Variants in RYR3 observed in about 807,000 individuals in gnomAD.
The protein encoded by RYR3 is brain ryanodine receptor-calcium release channel.
A neutral mutation model predicts 584.3 loss-of-function variants in RYR3; 207 were observed. The ratio of observed to expected loss-of-function variants is 0.35; its 90% CI spans 0.32 to 0.40. The LOEUF (loss-of-function observed/expected upper bound fraction) is 0.40. Ranked by LOEUF, RYR3 falls within the 10% of genes least tolerant of loss-of-function variation. The pLI, the probability that RYR3 is intolerant of heterozygous loss-of-function variation, is 1.00. For missense variants in RYR3, 5,616 were observed against 6,089.2 expected (o/e 0.92, Z 2.59); for synonymous variants, 2,416 against 2,248.5 (o/e 1.07, Z -2.11).
chr15:33,577,562 C>T (rs1056649234), intron 12 of RYR3, among the ~76,000 whole-genome samples: 1 of 152,152 alleles, frequency 6.6e-6, no homozygotes, highest in African/African-American at 2.4e-5. Context: ...ACTGGCGAGC[C>T]ATGTGCAGAA....
chr15:33,311,819 C>G lies in RYR3; in HGVS notation c.51+723C>G, dbSNP rs1156266901. Among the ~76,000 whole-genome samples, 2 of 152,232 alleles carry G rather than the reference C, an allele frequency of 1.3e-5. No individual in the cohort carries two copies. The highest frequency in any genetic ancestry group is 2.9e-5 in the Non-Finnish European group (2 of 68,036). On this transcript the variant is annotated intron_variant, in intron 1 of 103. Coordinates refer to ENST00000634891, the MANE Select transcript of RYR3 (RefSeq NM_001036.6). The surrounding 1 kb of genome is among the most constrained non-coding windows in gnomAD (Gnocchi z 4.4). ...GGCTCCGCGTCACTCAGGTCCCCTC[C>G]TTGACACCTGAGGGCGCTGCTCCGT... is the stretch of plus-strand genomic sequence containing the variant.
chr15:33,473,175 G>A (rs1007819913), intron 1 of RYR3, among the ~76,000 whole-genome samples: 12 of 152,170 alleles, frequency 7.9e-5, no homozygotes, highest in Admixed American at 5.2e-4. Flanking sequence ...TGAGGCCTTG[G>A]CTGTATGTGT....
chr15:33,826,959 T>C (rs2152966003), intron 84 of RYR3, among the ~76,000 whole-genome samples: 2 of 152,252 alleles, frequency 1.3e-5, no homozygotes, highest in South Asian at 4.1e-4. Flanking sequence ...AGATGAGAAA[T>C]CTAAATACCC....
chr15:33,761,957 C>A (rs773776470), intron 60 of RYR3, among the ~76,000 whole-genome samples: 1 of 152,104 alleles, frequency 6.6e-6, no homozygotes, highest in Non-Finnish European at 1.5e-5. Flanking sequence ...GTTCAACATA[C>A]AGAAATCAAC....
chr15:33,509,714 C>T (rs1021151848), intron 3 of RYR3, among the ~76,000 whole-genome samples: 6 of 152,142 alleles, frequency 3.9e-5, no homozygotes, highest in Non-Finnish European at 5.9e-5. Flanking sequence ...AGTAGCCATG[C>T]TAGGTGTTAA....
Position 33,321,917 on chromosome 15 carries a change from A to G in RYR3, c.51+10821A>G, listed in dbSNP as rs905693548. On this transcript the variant is annotated intron_variant, in intron 1 of 103. Transcript: ENST00000634891. ...TTTCCTAATCTATAGAAAGGTGAAA[A>G]TTATAACTAATTCACAGAGAAGGGG... Among the ~76,000 whole-genome samples the G allele has an allele frequency of 3.2e-4, 48 of 152,304 alleles. 1 individual carries two copies. The highest frequency in any genetic ancestry group is 1.0e-3 in the African/African-American group (42 of 41,566).
intron 1 of RYR3, among the ~76,000 whole-genome samples, chr15:33,374,637 T>C (rs1389350056): frequency 6.6e-6 from 1 of 152,204 alleles, no homozygotes; most frequent in East Asian, 1.9e-4. Flanking sequence ...AGCCTGAATT[T>C]AATCTCATTG....
chr15:33,484,732 G>A (rs977122492), intron 2 of RYR3, among the ~76,000 whole-genome samples: 1 of 152,136 alleles, frequency 6.6e-6, no homozygotes, highest in Non-Finnish European at 1.5e-5. Flanking sequence ...ATATCATTGA[G>A]TGAAATAGGG....
At position 33,603,152 on chromosome 15, in the gene RYR3, C is replaced by T. The variant is rs372045851; in HGVS notation, c.1952C>T (p.Ala651Val). ...SIRPNIFLGV[A>V]EGSAQYKKWY... Reference sequence around the variant, plus strand: ...CGGCCAAACATCTTCCTGGGAGTCGCGGAGGGCTCAGCCCAGTACAAGAAG... The same window carrying T: ...CGGCCAAACATCTTCCTGGGAGTCGTGGAGGGCTCAGCCCAGTACAAGAAG... Residue 651 changes from alanine (A) to valine (V), a missense_variant, in exon 18 of 104, where the codon GCG (alanine) becomes GTG (valine). Ala to Val is a moderately conservative substitution (Grantham distance 64). Coordinates refer to ENST00000634891, the MANE Select transcript of RYR3 (RefSeq NM_001036.6). 25 of 1,613,716 alleles carry T rather than the reference C, an allele frequency of 1.5e-5. No individual in the cohort carries two copies. Among genetic ancestry groups the T allele is most frequent in the South Asian group, 4.4e-5 (4 of 91,070 alleles).
chr15:33,561,916 AAGAG>A (rs1034444856), intron 10 of RYR3, among the ~76,000 whole-genome samples: 5 of 152,096 alleles, frequency 3.3e-5, no homozygotes, highest in African/African-American at 7.2e-5. Flanking sequence ...AAAAAAAAAA[AAGAG>A]AGAGAAATGT....
At chr15:33,343,483 GC>G (rs1157099530) in intron 1 of RYR3, among the ~76,000 whole-genome samples, 1 of 151,932 alleles carries the variant, frequency 6.6e-6, no homozygotes, top group Admixed American at 6.6e-5. Context: ...ACTATTTTAT[GC>G]CTCCTCCCAT....
intron 3 of RYR3, among the ~76,000 whole-genome samples, chr15:33,516,376 C>T (rs1004019403): frequency 1.3e-5 from 2 of 150,976 alleles, no homozygotes; most frequent in Non-Finnish European, 2.9e-5. Flanking sequence ...CGGAATCTCA[C>T]TCCGTCACCC....
chr15:33,683,655 G>C (rs185176597), intron 38 of RYR3, among the ~76,000 whole-genome samples: 1 of 152,350 alleles, frequency 6.6e-6, no homozygotes, highest in Non-Finnish European at 1.5e-5. Flanking sequence ...GCAGCCCATG[G>C]AGGGTGAGCC....
At chr15:33,423,023 T>C (rs112591904) in intron 1 of RYR3, among the ~76,000 whole-genome samples, 1,561 of 152,334 alleles carry the variant, frequency 0.01, 28 homozygotes, top group African/African-American at 0.036. Context: ...TTTGCCATTT[T>C]AACAAGTTTT....
intron 1 of RYR3, among the ~76,000 whole-genome samples, chr15:33,314,717 A>G (rs1353997265): frequency 1.3e-5 from 2 of 151,592 alleles, no homozygotes; most frequent in Admixed American, 6.6e-5. Flanking sequence ...GATCGAGACC[A>G]TCCTGGCTAA....
intron 2 of RYR3, among the ~76,000 whole-genome samples, chr15:33,483,843 G>A (rs1253736455): frequency 2.0e-5 from 3 of 152,086 alleles, no homozygotes; most frequent in Non-Finnish European, 2.9e-5. Flanking sequence ...CATTCTGGTA[G>A]CCCCATACTC....
chr15:33,317,725 A>G (rs189046379), intron 1 of RYR3, among the ~76,000 whole-genome samples: 7 of 152,292 alleles, frequency 4.6e-5, no homozygotes, highest in Admixed American at 1.3e-4. Flanking sequence ...CTGATGATGC[A>G]GTATTCCAGA....
At chr15:33,789,996 T>TG in intron 67 of RYR3, among the ~76,000 whole-genome samples, 1 of 97,074 alleles carries the variant, frequency 1.0e-5, no homozygotes, top group South Asian at 4.2e-4. Flanking sequence ...CTTTTTTTTT[T>TG]TTTTTTTTTT....
chr15:33,469,621 T>C (rs8040087), intron 1 of RYR3, among the ~76,000 whole-genome samples: 2,971 of 151,486 alleles, frequency 0.02, 93 homozygotes, highest in African/African-American at 0.068. Flanking sequence ...TATAAAAGGA[T>C]AGGTAGACTG....
Sources: allele counts gnomAD v4.1 joint callset (sites outside exome capture counted in the v4.1 genomes callset), GRCh38; gene constraint gnomAD v4.1.1; non-coding constraint Gnocchi (gnomAD v3.1); transcripts MANE v1.5; gene names NCBI Gene and HGNC (gene_info 2026-07-23, HGNC 2026-07-21).